VPS52: variants seen among roughly 807,000 people sequenced by gnomAD.
The protein encoded by VPS52 is vacuolar protein sorting-associated protein 52 homolog.
VPS52 carries 56 observed loss-of-function variants against 98.7 expected under a neutral mutation model. That is an observed-to-expected ratio of 0.57 (90% CI 0.46 to 0.71). VPS52 has a LOEUF of 0.71. Among genes scored for constraint, VPS52 ranks in the 30% least tolerant of loss-of-function variants. VPS52 has a pLI of 0.00. For synonymous variants in VPS52, 348 were observed against 346.4 expected (o/e 1.00, Z -0.05); for missense variants, 742 against 925.9 (o/e 0.80, Z 2.58).
At position 33,267,401 on chromosome 6, in the gene VPS52, G is replaced by A; in HGVS notation, c.992-80C>T. On this transcript the variant is annotated intron_variant, in intron 10 of 19. Coordinates refer to ENST00000445902, the MANE Select transcript of VPS52 (RefSeq NM_022553.6). This position sits in a 1 kb window ranked among gnomAD's most constrained non-coding sequence, Gnocchi z 4.2. Reference sequence around the variant, plus strand: ...TCACTATCTGTGGGGACCCCAGACAGGCAGACGTGGCCTAGCCAGCCCTCT... The same window carrying A: ...TCACTATCTGTGGGGACCCCAGACAAGCAGACGTGGCCTAGCCAGCCCTCT... The A allele has an allele frequency of 6.6e-7, 1 of 1,512,746 alleles. No homozygotes were observed. The highest frequency in any genetic ancestry group is 8.8e-7 in the Non-Finnish European group (1 of 1,132,182). The allele number at this position is 1,512,746 out of a possible 1,614,324, so 93.7% of individuals were successfully genotyped here. A position where few individuals can be genotyped will look rare whatever the true frequency, so the allele number is the denominator to read the frequency against.
At chr6:33,264,668 A>G (rs1429146442) in intron 13 of VPS52, 114 bp downstream of exon 13, 1 of 1,400,866 alleles carries the variant, frequency 7.1e-7, no homozygotes, top group South Asian at 1.2e-5. Context: ...GAGCAAATGA[A>G]TGGGAATAAA....
chr6:33,256,463 CA>C (rs9280385), intron 17 of VPS52, among the ~76,000 whole-genome samples: 4 of 83,744 alleles, frequency 4.8e-5, no homozygotes, highest in Admixed American at 1.3e-4. Context: ...AAACCTGTCT[CA>C]AAAAAAAAAA....
chr6:33,271,714 G>A lies in VPS52; in HGVS notation c.-39C>T. 6.3e-7 allele frequency: 1 copy of A among 1,577,178 alleles called. No homozygotes were observed. Among genetic ancestry groups the A allele is most frequent in the East Asian group, 2.3e-5 (1 of 43,214 alleles). On this transcript the variant is annotated 5_prime_UTR_variant, in exon 1 of 20. Coordinates refer to ENST00000445902, the MANE Select transcript of VPS52 (RefSeq NM_022553.6). ...ACTTCCGGCAACTGTCAGTCCCGGC[G>A]AGTCCGTTCCCCGGAGTGGAGCTAC...
chr6:33,264,075 G>A lies in VPS52; in HGVS notation c.1553C>T (p.Ser518Phe). 2.5e-6 allele frequency: 4 copies of A among 1,614,208 alleles called. No individual in the cohort carries two copies. The highest frequency in any genetic ancestry group is 1.1e-5 in the South Asian group (1 of 91,084). Residue 518 changes from serine to phenylalanine, a missense_variant, in exon 15 of 20, where the codon TCC (serine) becomes TTC (phenylalanine). Physicochemically the swap from Ser to Phe is radical, Grantham distance 155 (BLOSUM62 -2). This residue lies in a region of VPS52 where 590 missense variants were observed against 793.3 expected (regional missense o/e 0.74). Transcript: ENST00000445902. ...YITRRYAEFS[S>F]ALVSINQTIP... is the part of the protein sequence containing the mutation. ...TGTCTGGTTGATACTGACAAGAGCG[G>A]AGGAGAACTCTGCATAGCGGCGTGT...
intron 17 of VPS52, among the ~76,000 whole-genome samples, chr6:33,255,418 C>A (rs1762812125): frequency 6.6e-6 from 1 of 151,190 alleles, no homozygotes; most frequent in Non-Finnish European, 1.5e-5. Flanking sequence ...CCCGCCTCAG[C>A]CTCCCAAGCA....
At chr6:33,269,234 G>A (rs942369915) in intron 5 of VPS52, 45 bp from the exon 6 acceptor site, 1 of 1,603,610 alleles carries the variant, frequency 6.2e-7, no homozygotes, top group Non-Finnish European at 8.5e-7. Flanking sequence ...GGGTTTGTAG[G>A]GGATAAGTGG....
intron 12 of VPS52, 113 bp downstream of exon 12, chr6:33,266,444 A>C (rs1258397553): frequency 4.4e-6 from 6 of 1,373,052 alleles, no homozygotes. Flanking sequence ...AGGCTTAGAC[A>C]TTTTAGAATG....
intron 17 of VPS52, among the ~76,000 whole-genome samples, chr6:33,259,451 A>G: frequency 6.6e-6 from 1 of 152,202 alleles, no homozygotes; most frequent in Non-Finnish European, 1.5e-5. Context: ...AGCCTGACTG[A>G]ACCCCTACAT....
At chr6:33,265,025 T>G (rs977700986) in intron 12 of VPS52, 125 bp from the exon 13 acceptor site, 70 of 874,940 alleles carry the variant, frequency 8.0e-5, no homozygotes, top group Non-Finnish European at 1.2e-4. Flanking sequence ...GGGAGAGACG[T>G]AAAATGGAAC....
rs765947853 is a variant in VPS52 at position 33,271,637 on chromosome 6, T to A, written c.39A>T (p.Glu13Asp). The change falls in exon 1 of 20, where the codon GAA (glutamate) becomes GAT (aspartate). Residue 13 changes from glutamate (E) to aspartate (D), a missense_variant. Coordinates refer to ENST00000445902, the MANE Select transcript of VPS52 (RefSeq NM_022553.6). ...AAATMAAAAR[E>D]LVLRAGTSDM... ...CTGAGGTCCCAGCCCGCAACACCAG[T>A]TCCCGGGCCGCAGCCGCCATGGTCG... 10 of 1,610,894 alleles carry A rather than the reference T, an allele frequency of 6.2e-6. No individual in the cohort carries two copies. The highest frequency in any genetic ancestry group is 1.7e-5 in the Admixed American group (1 of 59,900).
At chr6:33,269,614 T>C (rs534147196) in intron 4 of VPS52, 57 bp from the exon 5 acceptor site, 1 of 1,585,140 alleles carries the variant, frequency 6.3e-7, no homozygotes, top group South Asian at 1.1e-5. Context: ...CTCAGATTTG[T>C]AGTACCTCTC....
rs1277369549 is a variant in VPS52 at position 33,268,960 on chromosome 6, C to A, written c.548+54G>T. ...CCCATATGGTAAATAGGGTGGGTCA[C>A]CCCAGCCCATCCACCTGCTATGGAC... On this transcript the variant is annotated intron_variant, in intron 6 of 19. Coordinates refer to ENST00000445902, the MANE Select transcript of VPS52 (RefSeq NM_022553.6). The surrounding 1 kb of genome is among the most constrained non-coding windows in gnomAD (Gnocchi z 4.0). The A allele has an allele frequency of 3.8e-6, 6 of 1,593,966 alleles. No homozygotes were observed. In the East Asian group the frequency reaches 6.7e-5, roughly 18 times the overall value.
chr6:33,269,689 A>G, intron 4 of VPS52, 55 bp downstream of exon 4: 2 of 1,590,000 alleles, frequency 1.3e-6, no homozygotes, highest in South Asian at 2.2e-5. Context: ...TCTGTACCAC[A>G]CGCCACAAAA....
chr6:33,270,652 C>T (rs1357766227), intron 1 of VPS52, among the ~76,000 whole-genome samples: 1 of 152,062 alleles, frequency 6.6e-6, no homozygotes, highest in Non-Finnish European at 1.5e-5. Flanking sequence ...AGGTAAAAGA[C>T]AAGACAGTGC....
intron 17 of VPS52, among the ~76,000 whole-genome samples, chr6:33,257,842 T>C (rs1269678146): frequency 6.6e-6 from 1 of 151,802 alleles, no homozygotes; most frequent in Non-Finnish European, 1.5e-5. Context: ...ACTCTGTCTC[T>C]ACAAAACAAC....
At chr6:33,255,370 A>C (rs1176245319) in intron 17 of VPS52, among the ~76,000 whole-genome samples, 1 of 151,800 alleles carries the variant, frequency 6.6e-6, no homozygotes, top group Non-Finnish European at 1.5e-5. Context: ...AACTGGTTTA[A>C]GTGCATCTTT....
Position 33,266,646 on chromosome 6 carries a change from G to C in VPS52, c.1192C>G (p.Leu398Val). ...ALLDNSCREY[L>V]FICEFFVVSG... ...ACAACAAAAAATTCACAGATGAAAAGGTATTCGCGGCAGGAATTGTCTAGG... is the reference window on the plus strand; with the variant it reads ...ACAACAAAAAATTCACAGATGAAAACGTATTCGCGGCAGGAATTGTCTAGG... The change falls in exon 12 of 20, where the codon CTT (leucine) becomes GTT (valine). Residue 398 changes from leucine (L) to valine (V), a missense_variant. Physicochemically the swap from Leu to Val is conservative, Grantham distance 32. Coordinates refer to ENST00000445902, the MANE Select transcript of VPS52 (RefSeq NM_022553.6). 1.2e-6 allele frequency: 2 copies of C among 1,612,978 alleles called. No homozygotes were observed. The highest frequency in any genetic ancestry group is 1.1e-5 in the South Asian group (1 of 91,076).
chr6:33,267,757 A>T lies in VPS52; in HGVS notation c.934-18T>A, dbSNP rs1044117412. 2 of 1,613,060 alleles carry T rather than the reference A, an allele frequency of 1.2e-6. No individual in the cohort carries two copies. Among genetic ancestry groups the T allele is most frequent in the Non-Finnish European group, 1.7e-6 (2 of 1,180,034 alleles). The stretch of plus-strand genomic sequence containing the variant: ...TCCTCATACTAAGGAAAGAGAAAAG[A>T]GAACTGATAACCGTCTCTTCCCACA... On this transcript the variant is annotated intron_variant, in intron 9 of 19. Transcript: ENST00000445902. This position sits in a 1 kb window ranked among gnomAD's most constrained non-coding sequence, Gnocchi z 4.2.
Position 33,267,058 on chromosome 6 carries a change from A to G in VPS52, c.1125+130T>C. On this transcript the variant is annotated intron_variant, in intron 11 of 19. Coordinates refer to ENST00000445902, the MANE Select transcript of VPS52 (RefSeq NM_022553.6). The surrounding 1 kb of genome is among the most constrained non-coding windows in gnomAD (Gnocchi z 4.2). ...TCACAGCAGGCTGGAGTGATTGGAG[A>G]AGGCCACTCCCAAGTCTAAGGGGAT... 2 of 1,297,612 alleles carry G rather than the reference A, an allele frequency of 1.5e-6. No homozygotes were observed. The highest frequency in any genetic ancestry group is 2.1e-5 in the South Asian group (1 of 47,330). 80.4% of individuals were successfully genotyped at this position (1,297,612 alleles called of 1,614,324 possible).
Sources: gnomAD v4.1 joint callset for allele counts (sites outside exome capture counted in the v4.1 genomes callset) on GRCh38, gnomAD v4.1.1 for gene constraint, gnomAD v4.1.1 regional missense constraint, Gnocchi (gnomAD v3.1) non-coding constraint, MANE v1.5 for transcripts, NCBI Gene and HGNC (gene_info 2026-07-23, HGNC 2026-07-21) for gene names.